DDR2: variants seen among roughly 807,000 people sequenced by gnomAD.
DDR2 encodes the protein discoidin domain-containing receptor 2.
A neutral mutation model predicts 94.9 loss-of-function variants in DDR2; 27 were observed. The ratio of observed to expected loss-of-function variants is 0.28; its 90% CI spans 0.21 to 0.39. The LOEUF (loss-of-function observed/expected upper bound fraction) is 0.39. DDR2 is among the 10% of genes least tolerant of loss of function. DDR2 has a pLI of 1.00. For missense variants in DDR2, 783 were observed against 1,076.0 expected (o/e 0.73, Z 3.81); for synonymous variants, 382 against 377.2 (o/e 1.01, Z -0.15).
chr1:162,737,107 C>T (rs867046377), intron 3 of DDR2, among the ~76,000 whole-genome samples: 20 of 145,854 alleles, frequency 1.4e-4, no homozygotes, highest in Non-Finnish European at 2.1e-4. Context: ...TCTTTTTTTT[C>T]GTTTCTTTTT....
At chr1:162,703,750 C>T (rs1436703566) in intron 2 of DDR2, among the ~76,000 whole-genome samples, 1 of 152,142 alleles carries the variant, frequency 6.6e-6, no homozygotes, top group African/African-American at 2.4e-5. Flanking sequence ...ATAAGCTCCC[C>T]TTATGTAGTT....
In DDR2 at chr1:162,773,435, A is replaced by T. The variant is rs184780032; in HGVS notation, c.1729-34A>T. On this transcript the variant is annotated intron_variant, in intron 13 of 17. Transcript: ENST00000367921. ...GAGTACTGAGACATCTTCAGGAGAA[A>T]TGATGATGCTGAGACTAGATGACTT... The T allele has an allele frequency of 3.1e-6, 5 of 1,611,800 alleles. No homozygotes were observed. In the Admixed American group the frequency reaches 8.3e-5, roughly 27 times the overall value.
chr1:162,737,628 T>C (rs575823134), intron 3 of DDR2, among the ~76,000 whole-genome samples: 1,188 of 114,144 alleles, frequency 0.01, 27 homozygotes, highest in African/African-American at 0.038. Flanking sequence ...TACGTGTGCA[T>C]GTGTCTTTAT....
In DDR2 at chr1:162,761,235, A is replaced by G; in HGVS notation, c.880A>G (p.Lys294Glu). ...GGTCCACTGCAACAACATGTTTGCT[A>G]AAGGTGTGAAGATCTTTAAGGAGGT... is the stretch of plus-strand genomic sequence containing the variant. ...MKVHCNNMFA[K>E]GVKIFKEVQC... Residue 294 changes from lysine (K) to glutamate (E), a missense_variant, in exon 9 of 18, where the codon AAA (lysine) becomes GAA (glutamate). Physicochemically the swap from Lys to Glu is moderately conservative, Grantham distance 56 (BLOSUM62 1). Around this residue, in one of 2 missense-constraint regions of DDR2, gnomAD observed 519 missense variants for 647.9 expected, o/e 0.80. Coordinates refer to ENST00000367921, the MANE Select transcript of DDR2 (RefSeq NM_006182.4). 6.2e-7 allele frequency: 1 copy of G among 1,614,092 alleles called. No homozygotes were observed. Among genetic ancestry groups the G allele is most frequent in the Non-Finnish European group, 8.5e-7 (1 of 1,179,994 alleles).
intron 9 of DDR2, among the ~76,000 whole-genome samples, chr1:162,764,016 T>A (rs980766289): frequency 9.2e-5 from 14 of 152,224 alleles, no homozygotes; most frequent in Non-Finnish European, 1.8e-4. Flanking sequence ...GTCCTGAGAA[T>A]ATATCCTACT....
intron 7 of DDR2, among the ~76,000 whole-genome samples, chr1:162,756,278 T>C (rs970199990): frequency 2.0e-5 from 3 of 152,104 alleles, no homozygotes; most frequent in Admixed American, 2.0e-4. Context: ...CAGAGGAAGG[T>C]AGGTAGAAGG....
intron 3 of DDR2, among the ~76,000 whole-genome samples, chr1:162,737,093 T>C (rs982352757): frequency 6.6e-6 from 1 of 152,042 alleles, no homozygotes; most frequent in Non-Finnish European, 1.5e-5. Context: ...GCTTTTTCTT[T>C]CTTTCTTTTT....
chr1:162,641,419 C>G (rs1657123019), intron 1 of DDR2, among the ~76,000 whole-genome samples: 1 of 152,180 alleles, frequency 6.6e-6, no homozygotes, highest in Non-Finnish European at 1.5e-5. Context: ...TGAAGGCCAG[C>G]TTAAGTTTCA....
At chr1:162,736,265 G>A (rs1250789593) in intron 3 of DDR2, among the ~76,000 whole-genome samples, 1 of 152,224 alleles carries the variant, frequency 6.6e-6, no homozygotes, top group Admixed American at 6.5e-5. Flanking sequence ...GACTGGCTTT[G>A]GGAATCACTG....
intron 2 of DDR2, chr1:162,705,011 C>T (rs2102002866): frequency 6.6e-6 from 1 of 152,388 alleles, no homozygotes; most frequent in South Asian, 2.1e-4. Context: ...TGCTCACCCA[C>T]TCCGGCCCTT....
intron 11 of DDR2, 65 bp downstream of exon 11, chr1:162,767,424 C>A (rs1664052277): frequency 1.9e-6 from 3 of 1,596,866 alleles, no homozygotes; most frequent in Admixed American, 1.8e-5. Flanking sequence ...CCACTGTTGT[C>A]CCAGGAGTAA....
chr1:162,664,899 G>C (rs1017054874), intron 2 of DDR2, among the ~76,000 whole-genome samples: 8 of 152,086 alleles, frequency 5.3e-5, no homozygotes, highest in Non-Finnish European at 7.4e-5. Context: ...TTACTCTTGG[G>C]AATATCTTTC....
At chr1:162,736,522 G>A (rs1454868192) in intron 3 of DDR2, among the ~76,000 whole-genome samples, 1 of 152,232 alleles carries the variant, frequency 6.6e-6, no homozygotes, top group Non-Finnish European at 1.5e-5. Context: ...TGTGTGATTA[G>A]TGGGAAACAT....
chr1:162,768,429 C>G (rs1054357594), intron 11 of DDR2, among the ~76,000 whole-genome samples: 1 of 152,194 alleles, frequency 6.6e-6, no homozygotes, highest in Non-Finnish European at 1.5e-5. Context: ...TTTGAACTGC[C>G]TCCTGAGGGC....
At chr1:162,765,828 A>G (rs759792850) in intron 9 of DDR2, among the ~76,000 whole-genome samples, 173 bp from the exon 10 acceptor site, 7 of 150,842 alleles carry the variant, frequency 4.6e-5, no homozygotes, top group Non-Finnish European at 8.8e-5. Context: ...TGCTTTTACT[A>G]TTTAGATAAA....
chr1:162,787,286 A>C lies in DDR2; in HGVS notation c.*7040A>C, dbSNP rs991678092. On this transcript the variant is annotated 3_prime_UTR_variant, in exon 18 of 18. Transcript: ENST00000367921. ...AACATAAACTTATGATGATTAAAAA[A>C]AACACACCTATCCATTCACTCATCA... 8 of 151,980 alleles carry C rather than the reference A, an allele frequency of 5.3e-5. No individual in the cohort carries two copies. The highest frequency in any genetic ancestry group is 1.2e-4 in the Non-Finnish European group (8 of 67,994). The allele number at this position is 151,980 out of a possible 1,614,324, so 9.4% of individuals were successfully genotyped here.
chr1:162,643,588 C>G (rs143489471), intron 1 of DDR2, among the ~76,000 whole-genome samples: 24 of 152,116 alleles, frequency 1.6e-4, no homozygotes, highest in African/African-American at 5.6e-4. Context: ...TCAGGTGATT[C>G]TCCTGCCTCA....
At chr1:162,747,374 G>A (rs1317382393) in intron 3 of DDR2, among the ~76,000 whole-genome samples, 1 of 152,114 alleles carries the variant, frequency 6.6e-6, no homozygotes, top group Admixed American at 6.5e-5. Flanking sequence ...CGTGATGCAT[G>A]CACAAGCTTC....
chr1:162,705,580 C>G (rs769285100), intron 2 of DDR2, among the ~76,000 whole-genome samples: 1 of 152,152 alleles, frequency 6.6e-6, no homozygotes, highest in East Asian at 1.9e-4. Context: ...AGAACCACGG[C>G]TGGTAGATTT....
Sources: allele counts gnomAD v4.1 joint callset (sites outside exome capture counted in the v4.1 genomes callset), GRCh38; gene constraint gnomAD v4.1.1; regional missense constraint gnomAD v4.1.1; transcripts MANE v1.5; gene names NCBI Gene and HGNC (gene_info 2026-07-23, HGNC 2026-07-21).